WDFY2: variants seen among roughly 807,000 people sequenced by gnomAD.
WDFY2 encodes the protein WD repeat and FYVE domain-containing protein 2.
In WDFY2, 36 loss-of-function variants were observed where a neutral mutation model predicts 56.4. The ratio of observed to expected loss-of-function variants is 0.64; its 90% CI spans 0.49 to 0.84. The LOEUF (loss-of-function observed/expected upper bound fraction) is 0.84. Ranked by LOEUF, WDFY2 falls within the 40% of genes least tolerant of loss-of-function variation. WDFY2 has a pLI of 0.00. For missense variants in WDFY2, 444 were observed against 512.2 expected (o/e 0.87, Z 1.29); for synonymous variants, 176 against 183.7 (o/e 0.96, Z 0.34).
chr13:51,596,353 G>T (rs1228566129), intron 1 of WDFY2, among the ~76,000 whole-genome samples: 1 of 152,180 alleles, frequency 6.6e-6, no homozygotes, highest in Non-Finnish European at 1.5e-5. Flanking sequence ...GTTGCAGTGT[G>T]ACTTTTCTGA....
chr13:51,709,255 C>T (rs1952156793), intron 4 of WDFY2, among the ~76,000 whole-genome samples: 1 of 152,154 alleles, frequency 6.6e-6, no homozygotes, highest in South Asian at 2.1e-4. Context: ...TCAAGACAGA[C>T]AATATTCTAG....
chr13:51,668,895 G>C (rs543932476), intron 2 of WDFY2, among the ~76,000 whole-genome samples: 1 of 152,258 alleles, frequency 6.6e-6, no homozygotes, highest in African/African-American at 2.4e-5. Flanking sequence ...GTCAGCAAAG[G>C]ACAGAAAATA....
intron 7 of WDFY2, among the ~76,000 whole-genome samples, chr13:51,741,573 C>A (rs1353145781): frequency 1.3e-5 from 2 of 152,166 alleles, no homozygotes; most frequent in African/African-American, 4.8e-5. Flanking sequence ...CACTTTCAGG[C>A]AGGCAGGGAA....
intron 4 of WDFY2, among the ~76,000 whole-genome samples, chr13:51,714,557 T>C (rs1952301273): frequency 6.6e-6 from 1 of 152,114 alleles, no homozygotes; most frequent in African/African-American, 2.4e-5. Context: ...CCTCCCAAAT[T>C]GCTGGGATTA....
At chr13:51,674,092 CTG>C (rs1183308240) in intron 2 of WDFY2, among the ~76,000 whole-genome samples, 16 of 152,026 alleles carry the variant, frequency 1.1e-4, no homozygotes, top group South Asian at 8.3e-4. Context: ...GAAAATGGGA[CTG>C]TGTGTTTGAA....
chr13:51,715,266 A>T (rs191784299), intron 4 of WDFY2, among the ~76,000 whole-genome samples: 1 of 152,206 alleles, frequency 6.6e-6, no homozygotes, highest in South Asian at 2.1e-4. Flanking sequence ...CAGCTTTTCA[A>T]CTTTTTTGTA....
chr13:51,677,302 G>A (rs1316656581), intron 3 of WDFY2, among the ~76,000 whole-genome samples: 1 of 152,140 alleles, frequency 6.6e-6, no homozygotes, highest in East Asian at 1.9e-4. Flanking sequence ...CCTTTGTATT[G>A]TTGAGGAAGA....
chr13:51,609,771 T>A (rs1201245941), intron 1 of WDFY2, among the ~76,000 whole-genome samples: 3 of 152,152 alleles, frequency 2.0e-5, no homozygotes, highest in Non-Finnish European at 2.9e-5. Flanking sequence ...CTTAATGTAC[T>A]GAGATGTCAA....
chr13:51,623,262 C>G lies in WDFY2; in HGVS notation c.138-37334C>G, dbSNP rs374968552. 3.2e-4 allele frequency among the ~76,000 whole-genome samples: 49 copies of G among 151,700 alleles called. No individual in the cohort carries two copies. In the East Asian group the frequency reaches 4.5e-3, roughly 14 times the overall value. ...AGGTAGGTGCTATTAATATTCAGGC[C>G]AGGCCAAAAGACATAAACCCAGACA... On this transcript the variant is annotated intron_variant, in intron 1 of 11. Transcript: ENST00000298125.
intron 3 of WDFY2, among the ~76,000 whole-genome samples, chr13:51,701,466 AGCCAAGATCAC>A (rs1206798064): frequency 1.4e-5 from 2 of 148,036 alleles, no homozygotes; most frequent in African/African-American, 4.9e-5. Flanking sequence ...GGTTGCAGTG[AGCCAAGATCAC>A]GCCACTGCAC....
At chr13:51,629,954 G>A (rs1203248521) in intron 1 of WDFY2, among the ~76,000 whole-genome samples, 1 of 151,160 alleles carries the variant, frequency 6.6e-6, no homozygotes, top group African/African-American at 2.4e-5. Flanking sequence ...ACTAATGTTA[G>A]CAAACATTAA....
intron 3 of WDFY2, among the ~76,000 whole-genome samples, chr13:51,702,820 A>C (rs1017765749): frequency 1.3e-5 from 2 of 152,176 alleles, no homozygotes; most frequent in African/African-American, 4.8e-5. Flanking sequence ...TATGTTTTAT[A>C]ATATACTCTT....
chr13:51,597,257 G>C (rs1254204245), intron 1 of WDFY2, among the ~76,000 whole-genome samples: 1 of 152,128 alleles, frequency 6.6e-6, no homozygotes, highest in Non-Finnish European at 1.5e-5. Flanking sequence ...TGAGATTACT[G>C]TGTTGAGATT....
At chr13:51,703,512 C>T (rs929030571) in intron 3 of WDFY2, 84 bp from the exon 4 acceptor site, 24 of 1,002,452 alleles carry the variant, frequency 2.4e-5, no homozygotes, top group Middle Eastern at 6.2e-4. Context: ...CATGACAATT[C>T]GCTTTATTCA....
At chr13:51,598,126 G>A (rs1327266251) in intron 1 of WDFY2, among the ~76,000 whole-genome samples, 1 of 152,142 alleles carries the variant, frequency 6.6e-6, no homozygotes, top group African/African-American at 2.4e-5. Flanking sequence ...TTGGGAGGCT[G>A]AGGTGGGCAG....
rs138993465 is a variant in WDFY2, at chr13:51,739,060, G to A, written c.610G>A (p.Ala204Thr). 1.0e-4 allele frequency: 161 copies of A among 1,583,560 alleles called. No individual in the cohort carries two copies. The Middle Eastern group carries it at 1.5e-3, about 15-fold the overall frequency. Residue 204 changes from alanine to threonine, a missense_variant, in exon 7 of 12, where the codon GCT becomes ACT. Transcript: ENST00000298125. ...TFRGHTGGVT[A>T]LCWDPVQRVL... ...GTCTGTCCTCTCAGGTGGGGTGACC[G>A]CTCTCTGTTGGGACCCAGTCCAGCG...
chr13:51,680,633 T>C (rs538155641), intron 3 of WDFY2, among the ~76,000 whole-genome samples: 3 of 152,312 alleles, frequency 2.0e-5, no homozygotes, highest in Admixed American at 1.3e-4. Flanking sequence ...TGGAAACAGT[T>C]TTCTCAATGT....
intron 2 of WDFY2, among the ~76,000 whole-genome samples, chr13:51,673,181 A>G (rs767103545): frequency 6.6e-6 from 1 of 152,252 alleles, no homozygotes; most frequent in Non-Finnish European, 1.5e-5. Flanking sequence ...AAAACAAGGA[A>G]TAAGGGAATG....
In WDFY2 at chr13:51,764,681, TAGTATC is replaced by T. The variant is rs1953691848; in HGVS notation, c.*4916_*4921del. The T allele has an allele frequency of 6.6e-6, 1 of 152,208 alleles. No homozygotes were observed. Among genetic ancestry groups the T allele is most frequent in the African/African-American group, 2.4e-5 (1 of 41,464 alleles). 9.4% of individuals were successfully genotyped at this position (152,208 alleles called of 1,614,324 possible). A position where few individuals can be genotyped will look rare whatever the true frequency, so the allele number is the denominator to read the frequency against. On this transcript the variant is annotated 3_prime_UTR_variant, in exon 12 of 12. Coordinates refer to ENST00000298125, the MANE Select transcript of WDFY2 (RefSeq NM_052950.4). ...ATGCTACTATTAGTTTATATTATAATAGTATCAGTTTCTTTTTCTTTGGAAATCCCT... is the reference window on the plus strand; with the variant it reads ...ATGCTACTATTAGTTTATATTATAATAGTTTCTTTTTCTTTGGAAATCCCT...
Sources: gnomAD v4.1 joint callset for allele counts (sites outside exome capture counted in the v4.1 genomes callset) on GRCh38, gnomAD v4.1.1 for gene constraint, MANE v1.5 for transcripts, NCBI Gene and HGNC (gene_info 2026-07-23, HGNC 2026-07-21) for gene names.